SLC25A29: variants seen among roughly 807,000 people sequenced by gnomAD.
SLC25A29 encodes the protein mitochondrial basic amino acids transporter.
Under a neutral mutation model 10.0 loss-of-function variants are expected in SLC25A29, and 13 were observed. That is an observed-to-expected ratio of 1.30 (90% confidence interval 0.85 to 2.07). The LOEUF (loss-of-function observed/expected upper bound fraction) is 2.07, where lower values mean the gene tolerates loss of function less well. Ranked by LOEUF, SLC25A29 falls within the 30% of genes most tolerant of loss-of-function variation. The pLI is 0.00. For missense variants in SLC25A29, 475 were observed against 447.6 expected, an observed-to-expected ratio of 1.06 and a Z score of -0.55; for synonymous variants, 244 against 221.1, an observed-to-expected ratio of 1.10 and a Z score of -0.92.
In SLC25A29 at chr14:100,292,429, G is replaced by A. The variant is rs775860948; in HGVS notation, c.766C>T (p.Leu256=). ...GCAGCGTTGACGGGGAAGGCGCGCA[G>A]CAGCGTGGACGCCAGCCCCCGTGTG... is the stretch of plus-strand genomic sequence containing the variant. ...VFTRGLASTL[L]RAFPVNAATF... The change falls in exon 4 of 4, where the codon CTG becomes TTG. Residue 256 remains leucine, a synonymous_variant. Transcript: ENST00000359232. 7.6e-6 allele frequency: 12 copies of A among 1,579,504 alleles called. No homozygotes were observed. Among genetic ancestry groups the A allele is most frequent in the Non-Finnish European group, 1.0e-5 (12 of 1,165,342 alleles).
intron 2 of SLC25A29, chr14:100,298,348 C>T (rs919756980): frequency 1.2e-5 from 2 of 160,476 alleles, no homozygotes; most frequent in Admixed American, 6.0e-5. Context: ...GAACCTGGAA[C>T]TCCGGTTCAT....
chr14:100,291,219 C>G lies in SLC25A29; in HGVS notation c.*1064G>C, dbSNP rs1891666967. 6.6e-6 allele frequency: 1 copy of G among 152,314 alleles called. No individual in the cohort carries two copies. Among genetic ancestry groups the G allele is most frequent in the Admixed American group, 6.5e-5 (1 of 15,284 alleles). 9.4% of individuals were successfully genotyped at this position (152,314 alleles called of 1,614,324 possible). On this transcript the variant is annotated 3_prime_UTR_variant, in exon 4 of 4. Coordinates refer to ENST00000359232, the MANE Select transcript of SLC25A29 (RefSeq NM_001039355.3). ...TCACTGAGCACATTCCCCAGGACGC[C>G]TGGTGCAGCCCTCCTCTGCCCCAGG...
At chr14:100,287,715 A>G (rs529138379), downstream of SLC25A29, among the ~76,000 whole-genome samples, 10 of 135,982 alleles carry the variant, frequency 7.4e-5, no homozygotes, top group Non-Finnish European at 1.4e-4. Context: ...CCTGCCTCTT[A>G]TTGCCTCCTA....
At chr14:100,293,209 T>G (rs1891889990) in intron 3 of SLC25A29, 85 bp downstream of exon 3, 1 of 1,523,106 alleles carries the variant, frequency 6.6e-7, no homozygotes, top group African/African-American at 1.4e-5. Context: ...CCTTCCTTCC[T>G]GGCTCTCTGG....
chr14:100,281,903 C>A, the SLC25A29 span: 2 of 152,232 alleles, frequency 1.3e-5, no homozygotes, highest in East Asian at 3.9e-4. Flanking sequence ...TGGCATCCAC[C>A]CCCAGGCCCA....
At chr14:100,298,776 ACCCCAAC>A in intron 2 of SLC25A29, 59 bp downstream of exon 2, 1 of 1,604,104 alleles carries the variant, frequency 6.2e-7, no homozygotes, top group South Asian at 1.1e-5. Context: ...GCTTCCAGCC[ACCCCAAC>A]CCTGTGAGCC....
At chr14:100,301,922 A>C (rs1051418142) in intron 1 of SLC25A29, among the ~76,000 whole-genome samples, 6 of 152,126 alleles carry the variant, frequency 3.9e-5, no homozygotes, top group African/African-American at 1.4e-4. Context: ...TACCCGAAGA[A>C]GGCTCCCATC....
At chr14:100,280,080 A>G in the SLC25A29 span, 1 of 152,260 alleles carries the variant, frequency 6.6e-6, no homozygotes, top group Non-Finnish European at 1.5e-5. Context: ...GGTTCCAAGA[A>G]AACAAGTTCC....
At chr14:100,301,273 G>C (rs898054900) in intron 1 of SLC25A29, among the ~76,000 whole-genome samples, 1 of 151,790 alleles carries the variant, frequency 6.6e-6, no homozygotes, top group East Asian at 1.9e-4. Flanking sequence ...CTGCCTCCCA[G>C]GTTCAAGTGA....
chr14:100,289,428 G>A (rs543453416), downstream of SLC25A29, among the ~76,000 whole-genome samples: 9 of 152,272 alleles, frequency 5.9e-5, no homozygotes, highest in African/African-American at 1.7e-4. Flanking sequence ...GACTGTCCTC[G>A]ACTCAGGAGG....
At chr14:100,299,076 T>A (rs1376049664) in intron 1 of SLC25A29, 191 bp from the exon 2 acceptor site, 1 of 1,430,400 alleles carries the variant, frequency 7.0e-7, no homozygotes, top group African/African-American at 1.4e-5. Context: ...TGGGAGGGTA[T>A]GCATGTGACA....
chr14:100,299,458 G>C (rs1419097731), intron 1 of SLC25A29: 1 of 988,870 alleles, frequency 1.0e-6, no homozygotes, highest in East Asian at 1.1e-4. Flanking sequence ...GACGACCCCA[G>C]GTCCTGATGC....
intron 2 of SLC25A29, chr14:100,298,551 G>T: frequency 1.9e-6 from 1 of 528,808 alleles, no homozygotes. Flanking sequence ...AACTGTTTGG[G>T]AGAGTTCTGC....
chr14:100,286,330 T>C (rs751218970), downstream of SLC25A29, among the ~76,000 whole-genome samples: 4 of 152,170 alleles, frequency 2.6e-5, no homozygotes, highest in Non-Finnish European at 5.9e-5. Context: ...GCCCACCATG[T>C]TCCCCTGTGT....
chr14:100,298,710 T>G (rs1892336017), intron 2 of SLC25A29, 132 bp downstream of exon 2: 5 of 1,167,436 alleles, frequency 4.3e-6, no homozygotes, highest in Non-Finnish European at 6.4e-6. Context: ...GTGAGGAAGG[T>G]TCAACCCGGC....
In SLC25A29 at chr14:100,296,832, T is replaced by C. The variant is rs560951783; in HGVS notation, c.78+2010A>G. Among the ~76,000 whole-genome samples the C allele has an allele frequency of 2.1e-4, 32 of 152,210 alleles. No individual in the cohort carries two copies. In the South Asian group the frequency reaches 6.0e-3, roughly 29 times the overall value. On this transcript the variant is annotated intron_variant, in intron 2 of 3. Transcript: ENST00000359232. Reference sequence around the variant, plus strand: ...CCAGGATGGTCTTGATCTCCTGACCTTGTGATCCGCCCGCCTCAGCCTCCA... The same window carrying C: ...CCAGGATGGTCTTGATCTCCTGACCCTGTGATCCGCCCGCCTCAGCCTCCA...
intron 1 of SLC25A29, 92 bp downstream of exon 1, chr14:100,306,107 A>C: frequency 1.0e-6 from 1 of 970,472 alleles, no homozygotes; most frequent in Non-Finnish European, 1.4e-6. Context: ...GACCCCCGCC[A>C]GCGGGAAGCC....
chr14:100,296,776 G>T lies in SLC25A29; in HGVS notation c.78+2066C>A, dbSNP rs1162178939. On this transcript the variant is annotated intron_variant, in intron 2 of 3. Transcript: ENST00000359232. ...ACCACGCCCGGCTAATTTTTTGTAT[G>T]TTTAGTAGAGACAGAGTTTCACCGT... 3.9e-5 allele frequency among the ~76,000 whole-genome samples: 6 copies of T among 151,960 alleles called. No individual in the cohort carries two copies. The East Asian group carries it at 1.2e-3, about 30-fold the overall frequency.
chr14:100,304,114 C>T (rs921971113), intron 1 of SLC25A29, among the ~76,000 whole-genome samples: 1 of 152,164 alleles, frequency 6.6e-6, no homozygotes, highest in African/African-American at 2.4e-5. Context: ...AGGGGGTGGA[C>T]AGTCCCCCTC....
Sources: gnomAD v4.1 joint callset for allele counts (sites outside exome capture counted in the v4.1 genomes callset) on GRCh38, gnomAD v4.1.1 for gene constraint, MANE v1.5 for transcripts, NCBI Gene and HGNC (gene_info 2026-07-23, HGNC 2026-07-21) for gene names.